FBXO2: variants seen among roughly 807,000 people sequenced by gnomAD.
The protein encoded by FBXO2 is F-box protein 2, also known as F-box only protein 2.
A neutral mutation model predicts 38.6 loss-of-function variants in FBXO2; 32 were observed. The observed-to-expected ratio is 0.83, with a 90% CI of 0.62 to 1.11. FBXO2 has a LOEUF of 1.11. FBXO2 is among the 50% of genes most tolerant of loss of function. FBXO2 has a pLI of 0.00. For missense variants in FBXO2, 450 were observed against 418.3 expected (o/e 1.08, Z -0.66); for synonymous variants, 189 against 182.9 (o/e 1.03, Z -0.27).
chr1:11,654,248 C>T, intron 1 of FBXO2, 71 bp downstream of exon 1: 1 of 1,464,646 alleles, frequency 6.8e-7, no homozygotes, highest in Admixed American at 2.4e-5. Context: ...TCTGACGCCC[C>T]TCTGTGCAGC....
Position 11,648,995 on chromosome 1 carries a change from C to CCCACCCCAG in FBXO2, c.756+91_756+92insCTGGGGTGG. 1 of 1,349,030 alleles carries CCCACCCCAG rather than the reference C, an allele frequency of 7.4e-7. No homozygotes were observed. Among genetic ancestry groups the CCCACCCCAG allele is most frequent in the Non-Finnish European group, 1.0e-6 (1 of 981,502 alleles). 83.6% of individuals were successfully genotyped at this position (1,349,030 alleles called of 1,614,324 possible). A position where few individuals can be genotyped will look rare whatever the true frequency, so the allele number is the denominator to read the frequency against. On this transcript the variant is annotated intron_variant, in intron 5 of 5. Transcript: ENST00000354287. The surrounding 1 kb of genome is among the most constrained non-coding windows in gnomAD (Gnocchi z 4.2). ...TCTCAGCCCAGCCCAGCCCAGCCCACCCCAGCCCAGGAGCGCTGTGGGCGG... is the reference window on the plus strand; with the variant it reads ...TCTCAGCCCAGCCCAGCCCAGCCCACCCACCCCAGCCCAGCCCAGGAGCGCTGTGGGCGG...
chr1:11,652,437 G>C (rs1380921735), intron 1 of FBXO2, among the ~76,000 whole-genome samples: 1 of 152,196 alleles, frequency 6.6e-6, no homozygotes, highest in Non-Finnish European at 1.5e-5. Context: ...CATTGTGCCA[G>C]GCCATACAAA....
rs759934386 is a variant in FBXO2, at chr1:11,650,621, T to C, written c.236A>G (p.Lys79Arg). 2 of 1,586,776 alleles carry C rather than the reference T, an allele frequency of 1.3e-6. No individual in the cohort carries two copies. Among genetic ancestry groups the C allele is most frequent in the African/African-American group, 1.3e-5 (1 of 74,530 alleles). ...QACRLVCLRWKELVDGAPLWL... is the reference protein window; with the variant it reads ...QACRLVCLRWRELVDGAPLWL... ...CAGCGGGGCGCCGTCCACCAGCTCC[T>C]TCCAGCGCAGGCACACCAGGCGGCA... Residue 79 changes from lysine (K) to arginine (R), a missense_variant, in exon 2 of 6, where the codon AAG becomes AGG. Physicochemically the swap from Lys to Arg is conservative, Grantham distance 26. Transcript: ENST00000354287.
At position 11,654,335 on chromosome 1, in the gene FBXO2, G is replaced by T; in HGVS notation, c.6C>A (p.Asp2Glu). The T allele has an allele frequency of 6.9e-7, 1 of 1,459,776 alleles. No individual in the cohort carries two copies. The allele number at this position is 1,459,776 out of a possible 1,614,324, so 90.4% of individuals were successfully genotyped here. A position where few individuals can be genotyped will look rare whatever the true frequency, so the allele number is the denominator to read the frequency against. Residue 2 changes from aspartate to glutamate, a missense_variant, in exon 1 of 6, where the codon GAC becomes GAA. By Grantham distance (45) the Asp-to-Glu change is conservative. Transcript: ENST00000354287. M[D>E]GDGDPESVGQ... ...GTCGGCTACCTGGGTCACCGTCTCC[G>T]TCCATCGCTGCGGAGGGCGGTCGCG...
At chr1:11,650,341 T>G in intron 2 of FBXO2, 125 bp downstream of exon 2, 1 of 1,462,554 alleles carries the variant, frequency 6.8e-7, no homozygotes, top group Non-Finnish European at 9.1e-7. Flanking sequence ...TAGACAGCCT[T>G]GGGGCTACCC....
At position 11,650,534 on chromosome 1, in the gene FBXO2, T is replaced by C. The variant is rs1156900473; in HGVS notation, c.323A>G (p.Asp108Gly). 2.5e-6 allele frequency: 4 copies of C among 1,602,662 alleles called. No homozygotes were observed. The East Asian group carries it at 9.0e-5, about 36-fold the overall frequency. The part of the protein sequence containing the change: ...VPEGGVEEER[D>G]HWQQFYFLSK... Reference sequence around the variant, plus strand: ...CAGGAAGTAGAACTGCTGCCAGTGGTCGCGCTCCTCCTCCACGCCGCCCTC... The same window carrying C: ...CAGGAAGTAGAACTGCTGCCAGTGGCCGCGCTCCTCCTCCACGCCGCCCTC... Residue 108 changes from aspartate to glycine, a missense_variant, in exon 2 of 6, where the codon GAC becomes GGC. Physicochemically the swap from Asp to Gly is moderately conservative, Grantham distance 94. Transcript: ENST00000354287.
In FBXO2 at chr1:11,650,682, G is replaced by A; in HGVS notation, c.175C>T (p.Leu59=). The A allele has an allele frequency of 6.5e-7, 1 of 1,537,122 alleles. No homozygotes were observed. The highest frequency in any genetic ancestry group is 8.7e-7 in the Non-Finnish European group (1 of 1,147,230). The change falls in exon 2 of 6, where the codon CTG becomes TTG. Residue 59 remains leucine, a synonymous_variant. Transcript: ENST00000354287. The part of the protein sequence containing the change: ...ELPEPLLLRV[L]AALPAAELVQ... ...AGCTCGGCGGCCGGCAGTGCGGCCA[G>A]CACGCGCAGCAGCAGCGGCTCGGGC...
chr1:11,649,909 C>T (rs1456115267), intron 3 of FBXO2, 35 bp from the exon 4 acceptor site: 2 of 1,613,844 alleles, frequency 1.2e-6, no homozygotes, highest in Non-Finnish European at 1.7e-6. Context: ...AGCGAACGCT[C>T]CCCCCTTCCC....
intron 2 of FBXO2, 87 bp from the exon 3 acceptor site, chr1:11,650,161 G>A (rs527416202): frequency 1.3e-6 from 2 of 1,563,996 alleles, no homozygotes; most frequent in African/African-American, 2.7e-5. Context: ...CAGGGCAAAG[G>A]TCGCACTTGG....
chr1:11,651,704 CTTT>C (rs34148336), intron 1 of FBXO2, among the ~76,000 whole-genome samples: 26 of 145,412 alleles, frequency 1.8e-4, no homozygotes, highest in East Asian at 8.1e-4. Flanking sequence ...AGGATTTTGA[CTTT>C]TTTTTTTTTT....
intron 1 of FBXO2, chr1:11,654,062 G>C (rs1464359043): frequency 4.7e-6 from 2 of 427,590 alleles, no homozygotes; most frequent in African/African-American, 4.1e-5. Context: ...GAATGTGGGG[G>C]TCCTCTGGTG....
chr1:11,648,911 C>T lies in FBXO2; in HGVS notation c.757-83G>A. On this transcript the variant is annotated intron_variant, in intron 5 of 5. Coordinates refer to ENST00000354287, the MANE Select transcript of FBXO2 (RefSeq NM_012168.6). This position sits in a 1 kb window ranked among gnomAD's most constrained non-coding sequence, Gnocchi z 4.2. Reference sequence around the variant, plus strand: ...CCACCCCGGTACACCGACCGACCTGCAGCTCCCCCACTCGGTTTCTCCGCG... The same window carrying T: ...CCACCCCGGTACACCGACCGACCTGTAGCTCCCCCACTCGGTTTCTCCGCG... 2.5e-6 allele frequency: 4 copies of T among 1,569,678 alleles called. No homozygotes were observed. The highest frequency in any genetic ancestry group is 3.5e-6 in the Non-Finnish European group (4 of 1,149,534).
intron 4 of FBXO2, chr1:11,649,456 C>T (rs1184317380): frequency 4.0e-5 from 24 of 595,896 alleles, no homozygotes; most frequent in Non-Finnish European, 6.5e-5. Flanking sequence ...TCCAAGTTGG[C>T]CAGACCCCAG....
chr1:11,652,284 T>A (rs1197267998), intron 1 of FBXO2, among the ~76,000 whole-genome samples: 1 of 152,064 alleles, frequency 6.6e-6, no homozygotes, highest in Non-Finnish European at 1.5e-5. Context: ...CCAGCTATTG[T>A]GTGACTTGGG....
At chr1:11,650,246 TC>T (rs1415728974) in intron 2 of FBXO2, among the ~76,000 whole-genome samples, 172 bp from the exon 3 acceptor site, 1 of 151,612 alleles carries the variant, frequency 6.6e-6, no homozygotes, top group Non-Finnish European at 1.5e-5. Flanking sequence ...GGGAGGTATG[TC>T]CCCCATCCCG....
In FBXO2 at chr1:11,654,347, G is replaced by T. The variant is rs1639621511; in HGVS notation, c.-7C>A. ...GGTCACCGTCTCCGTCCATCGCTGC[G>T]GAGGGCGGTCGCGAGAGGAGGAGCC... On this transcript the variant is annotated 5_prime_UTR_variant, in exon 1 of 6. Coordinates refer to ENST00000354287, the MANE Select transcript of FBXO2 (RefSeq NM_012168.6). The T allele has an allele frequency of 6.9e-7, 1 of 1,440,810 alleles. No homozygotes were observed. Among genetic ancestry groups the T allele is most frequent in the Non-Finnish European group, 9.1e-7 (1 of 1,103,076 alleles). The allele number at this position is 1,440,810 out of a possible 1,614,324, so 89.3% of individuals were successfully genotyped here.
intron 1 of FBXO2, among the ~76,000 whole-genome samples, chr1:11,652,556 G>T (rs1375030331): frequency 6.6e-5 from 10 of 152,344 alleles, no homozygotes; most frequent in Middle Eastern, 3.4e-3. Flanking sequence ...ATCCCAGTCG[G>T]CTTCAGCTGG....
intron 4 of FBXO2, 42 bp downstream of exon 4, chr1:11,649,736 AC>A (rs762166327): frequency 2.5e-5 from 40 of 1,595,742 alleles, no homozygotes; most frequent in Non-Finnish European, 3.3e-5. Flanking sequence ...CCTCTGCCTT[AC>A]CCCGCTCCTC....
At chr1:11,654,273 C>G in intron 1 of FBXO2, 46 bp downstream of exon 1, 2 of 1,487,170 alleles carry the variant, frequency 1.3e-6, no homozygotes, top group South Asian at 2.5e-5. Flanking sequence ...GCCCGCCGAC[C>G]CCATCTCCCC....
Sources: gnomAD v4.1 joint callset for allele counts (sites outside exome capture counted in the v4.1 genomes callset) on GRCh38, gnomAD v4.1.1 for gene constraint, Gnocchi (gnomAD v3.1) non-coding constraint, MANE v1.5 for transcripts, NCBI Gene and HGNC (gene_info 2026-07-23, HGNC 2026-07-21) for gene names.